Variants in G6PD observed in about 807,000 individuals in gnomAD.
G6PD encodes glucose-6-phosphate dehydrogenase.
A neutral mutation model predicts 38.2 loss-of-function variants in G6PD; 2 were observed. That is an observed-to-expected ratio of 0.05 (90% CI 0.02 to 0.16). The LOEUF is 0.16. G6PD is among the 10% of genes least tolerant of loss of function. The pLI, the probability that G6PD is intolerant of heterozygous loss-of-function variation, is 1.00. For missense variants in G6PD, 310 were observed against 471.6 expected (o/e 0.66, Z 3.17); for synonymous variants, 188 against 196.0 (o/e 0.96, Z 0.34).
At chrX:154,534,930 G>C in intron 5 of G6PD, 1 of 441,789 alleles carries the variant, frequency 2.3e-6, no homozygotes, top group South Asian at 3.2e-5. Flanking sequence ...CCCAGCGCGG[G>C]CCATGCTGCA....
chrX:154,532,812 G>A lies in G6PD; in HGVS notation c.1052-10C>T, dbSNP rs1557229778. 5.8e-6 allele frequency: 7 copies of A among 1,205,420 alleles called. No homozygotes were observed. The highest frequency in any genetic ancestry group is 3.5e-5 in the African/African-American group (2 of 57,197). On this transcript the variant is annotated splice_polypyrimidine_tract_variant and intron_variant, in intron 9 of 12. Transcript: ENST00000393562. ...AGGATGAAGGGCACCCCTACGTGGC[G>A]GAAAGGGCAGCCTCAGCACCAGCTC... is the stretch of plus-strand genomic sequence containing the variant.
chrX:154,547,400 C>G, upstream of G6PD: 1 of 754,442 alleles, frequency 1.3e-6, no homozygotes, highest in East Asian at 1.5e-4. Flanking sequence ...CTAGACGCCG[C>G]CGTCCGAGAG....
intron 8 of G6PD, 189 bp from the exon 9 acceptor site, chrX:154,533,317 T>A (rs1255611000): frequency 3.9e-6 from 2 of 510,047 alleles, no homozygotes; most frequent in Non-Finnish European, 6.5e-6. Context: ...CCATCTCGAG[T>A]CTATTCTGAT....
rs1169434165 is a variant in G6PD at position 154,531,848 on chromosome X, G to A, written c.*152C>T. 1.1e-6 allele frequency: 1 copy of A among 937,846 alleles called. No individual in the cohort carries two copies. The highest frequency in any genetic ancestry group is 1.5e-6 in the Non-Finnish European group (1 of 682,656). The allele number at this position is 937,846 out of a possible 1,213,427, so 77.3% of individuals were successfully genotyped here. On this transcript the variant is annotated 3_prime_UTR_variant, in exon 13 of 13. Transcript: ENST00000393562. ...AGCTGAGGAATGTAGCTGGGCTCGGGTAGTAGCAGCAGCGAGGGGCGGGCC... is the reference window on the plus strand; with the variant it reads ...AGCTGAGGAATGTAGCTGGGCTCGGATAGTAGCAGCAGCGAGGGGCGGGCC...
chrX:154,543,869 AT>A lies in G6PD; in HGVS notation c.120+2166del, dbSNP rs1306269568. Among the ~76,000 whole-genome samples, 386 of 83,548 alleles carry A rather than the reference AT, an allele frequency of 4.6e-3. 1 individual carries two copies. Among genetic ancestry groups the A allele is most frequent in the African/African-American group, 0.011 (261 of 22,728 alleles). The allele number at this position is 83,548 out of a possible 115,157, so 72.6% of individuals were successfully genotyped here. On this transcript the variant is annotated intron_variant, in intron 2 of 12. Transcript: ENST00000393562. ...CCACTACACCTAACTAATTTTTGTT[AT>A]TTTTTTTTTTTTTTTGAGATGGAGT... is the stretch of plus-strand genomic sequence containing the variant.
intron 1 of G6PD, among the ~76,000 whole-genome samples, chrX:154,546,435 C>A (rs1209011487): frequency 8.9e-6 from 1 of 112,315 alleles, no homozygotes; most frequent in Non-Finnish European, 1.9e-5. Flanking sequence ...AGCATCAATT[C>A]TGGACAACCG....
At chrX:154,546,515 C>A (rs1423714016) in intron 1 of G6PD, among the ~76,000 whole-genome samples, 1 of 111,703 alleles carries the variant, frequency 9.0e-6, no homozygotes, top group Non-Finnish European at 1.9e-5. Flanking sequence ...GCGGGAACTC[C>A]ACAATGACCT....
intron 2 of G6PD, among the ~76,000 whole-genome samples, chrX:154,536,391 C>T (rs781979331): frequency 4.5e-5 from 5 of 111,935 alleles, no homozygotes; most frequent in Non-Finnish European, 7.5e-5. Flanking sequence ...GCATCTCCTG[C>T]GTTCCAGGAG....
chrX:154,541,578 T>G (rs1557231921), intron 2 of G6PD, among the ~76,000 whole-genome samples: 1 of 111,866 alleles, frequency 8.9e-6, no homozygotes, highest in East Asian at 2.8e-4. Context: ...TCGGGAAACC[T>G]GACAGCTTGG....
chrX:154,543,637 T>C (rs1292911123), intron 2 of G6PD, among the ~76,000 whole-genome samples: 1 of 111,634 alleles, frequency 9.0e-6, no homozygotes, highest in Non-Finnish European at 1.9e-5. Flanking sequence ...ACTAAGGGTT[T>C]AACGGTCAGA....
intron 2 of G6PD, among the ~76,000 whole-genome samples, chrX:154,540,794 C>T (rs2070484884): frequency 1.8e-5 from 2 of 111,846 alleles, no homozygotes; most frequent in Non-Finnish European, 3.8e-5. Context: ...CACAGGGCTT[C>T]CAGGAGGGCA....
intron 2 of G6PD, among the ~76,000 whole-genome samples, chrX:154,539,281 T>C (rs1180622618): frequency 8.9e-6 from 1 of 111,916 alleles, no homozygotes; most frequent in Non-Finnish European, 1.9e-5. Context: ...AATTAACATG[T>C]GACCCGGCAA....
chrX:154,537,610 C>T (rs782411494), intron 2 of G6PD, among the ~76,000 whole-genome samples: 8 of 112,143 alleles, frequency 7.1e-5, no homozygotes, highest in South Asian at 7.4e-4. Flanking sequence ...AGCGAAACTC[C>T]GTCTCAAACA....
chrX:154,532,394 G>A lies in G6PD; in HGVS notation c.1356C>T (p.Phe452=), dbSNP rs370808115. 51 of 1,210,403 alleles carry A rather than the reference G, an allele frequency of 4.2e-5. No homozygotes were observed. Among genetic ancestry groups the A allele is most frequent in the Non-Finnish European group, 4.9e-5 (44 of 895,166 alleles). ...CGGCAGCTGGGCCTCACCTGCGCACGAAGTGCATCTGGCTCCCGCAGAAGA... is the reference window on the plus strand; with the variant it reads ...CGGCAGCTGGGCCTCACCTGCGCACAAAGTGCATCTGGCTCCCGCAGAAGA... ...LDVFCGSQMH[F]VRSDELREAW... is the part of the protein sequence containing the mutation. Residue 452 remains phenylalanine, a synonymous_variant, in exon 11 of 13, where the codon TTC becomes TTT. Coordinates refer to ENST00000393562, the MANE Select transcript of G6PD (RefSeq NM_001360016.2).
chrX:154,541,673 C>T (rs1440983264), intron 2 of G6PD, among the ~76,000 whole-genome samples: 3 of 112,117 alleles, frequency 2.7e-5, no homozygotes, highest in Admixed American at 9.4e-5. Context: ...ATCTTCCCCA[C>T]GCCCTCCTCT....
intron 6 of G6PD, 78 bp downstream of exon 6, chrX:154,534,260 C>T (rs782055580): frequency 8.3e-7 from 1 of 1,202,757 alleles, no homozygotes; most frequent in African/African-American, 1.8e-5. Flanking sequence ...AGGAATTCGT[C>T]CTCGGGGAGG....
At chrX:154,533,230 C>G in intron 8 of G6PD, 102 bp from the exon 9 acceptor site, 1 of 957,610 alleles carries the variant, frequency 1.0e-6, no homozygotes, top group Non-Finnish European at 1.5e-6. Flanking sequence ...AGGAGGAGGC[C>G]CCTGCTTGGC....
rs2070739617 is a variant in G6PD, at chrX:154,546,829, A to C, written c.-49T>G. On this transcript the variant is annotated 5_prime_UTR_variant, in exon 1 of 13. Transcript: ENST00000393562. ...GTCGCCCTCCGCGCTCGCAGCCCCG[A>C]AGTGTACGACCGTTTCCGGGGGCTG... 6.0e-6 allele frequency: 7 copies of C among 1,158,296 alleles called. No individual in the cohort carries two copies. Among genetic ancestry groups the C allele is most frequent in the Non-Finnish European group, 8.0e-6 (7 of 871,318 alleles).
rs187815238 is a variant in G6PD, at chrX:154,533,488, T to C, written c.864+88A>G. The C allele has an allele frequency of 4.1e-5, 46 of 1,112,274 alleles. No individual in the cohort carries two copies. The African/African-American group carries it at 6.6e-4, about 16-fold the overall frequency. The allele number at this position is 1,112,274 out of a possible 1,213,427, so 91.7% of individuals were successfully genotyped here. On this transcript the variant is annotated intron_variant, in intron 8 of 12. Transcript: ENST00000393562. ...TGACTTCTCCGGGGTTGAGGACACC[T>C]GCTCTGCATGCACACCCCAGCTCAG...
Sources: allele counts gnomAD v4.1 joint callset (sites outside exome capture counted in the v4.1 genomes callset), GRCh38; gene constraint gnomAD v4.1.1; transcripts MANE v1.5; gene names NCBI Gene and HGNC (gene_info 2026-07-23, HGNC 2026-07-21).